The following SLX4 variants were observed in gnomAD, a reference collection of about 807,000 sequenced individuals.
SLX4 encodes the protein SLX4 structure-specific endonuclease subunit.
Under a neutral mutation model 146.2 loss-of-function variants are expected in SLX4, and 112 were observed. The observed-to-expected ratio is 0.77, with a 90% confidence interval of 0.66 to 0.90. SLX4 has a LOEUF of 0.90. SLX4 is among the 40% of genes least tolerant of loss of function. SLX4 has a pLI of 0.00. For missense variants in SLX4, 2,563 were observed against 2,392.7 expected (o/e 1.07, Z -1.49); for synonymous variants, 1,061 against 997.7 (o/e 1.06, Z -1.20).
chr16:3,597,793 A>C lies in SLX4; in HGVS notation c.1366+4T>G. The C allele has an allele frequency of 6.2e-7, 1 of 1,614,152 alleles. No individual in the cohort carries two copies. Among genetic ancestry groups the C allele is most frequent in the Non-Finnish European group, 8.5e-7 (1 of 1,180,036 alleles). On this transcript the variant is annotated splice_donor_region_variant and intron_variant, in intron 6 of 14. Transcript: ENST00000294008. This position sits in a 1 kb window ranked among gnomAD's most constrained non-coding sequence, Gnocchi z 4.4. The stretch of plus-strand genomic sequence containing the variant: ...CCCAGGGTCACTCTTCTGATCACAC[A>C]AACCTGCTTCTGGTCTTATCCTCTC...
intron 1 of SLX4, among the ~76,000 whole-genome samples, chr16:3,610,096 G>C (rs1417808149): frequency 6.6e-6 from 1 of 152,194 alleles, no homozygotes; most frequent in Non-Finnish European, 1.5e-5. Flanking sequence ...GCTGGGCCTC[G>C]TGAGCATGGT....
In SLX4 at chr16:3,596,160, C is replaced by A. The variant is rs933524149; in HGVS notation, c.1917G>T (p.Gly639=). 4.5e-6 allele frequency: 7 copies of A among 1,550,898 alleles called. No homozygotes were observed. The African/African-American group carries it at 8.2e-5, about 18-fold the overall frequency. Residue 639 remains glycine (G), a synonymous_variant, in exon 8 of 15, where the codon GGG becomes GGT. Coordinates refer to ENST00000294008, the MANE Select transcript of SLX4 (RefSeq NM_032444.4). ...TCCCACCCAGCATCTCACCTGCAGT[C>A]CCTTCCGAGCCAGCCAGGCCCCCAC... ...PGSGGLAGSE[G]TAGLDVVPGG...
At chr16:3,595,777 G>A (rs1274016414) in intron 8 of SLX4, 84 bp from the exon 9 acceptor site, 1 of 1,506,386 alleles carries the variant, frequency 6.6e-7, no homozygotes, top group South Asian at 1.2e-5. Context: ...CACAGGCTGA[G>A]CCAGCCCCTG....
intron 14 of SLX4, 107 bp from the exon 15 acceptor site, chr16:3,582,800 G>T: frequency 9.2e-7 from 1 of 1,090,376 alleles, no homozygotes; most frequent in Non-Finnish European, 1.4e-6. Context: ...ATGGAGCCTG[G>T]CCTGTGGCAC....
chr16:3,583,947 C>G (rs1596516122), intron 13 of SLX4, among the ~76,000 whole-genome samples: 4 of 151,960 alleles, frequency 2.6e-5, no homozygotes, highest in Admixed American at 2.6e-4. Flanking sequence ...TACAGTGAGC[C>G]AAGATCACAT....
At position 3,605,364 on chromosome 16, in the gene SLX4, C is replaced by T. The variant is rs971638408; in HGVS notation, c.760+1110G>A. Among the ~76,000 whole-genome samples the T allele has an allele frequency of 3.3e-5, 5 of 151,772 alleles. No individual in the cohort carries two copies. In the South Asian group the frequency reaches 1.0e-3, roughly 32 times the overall value. On this transcript the variant is annotated intron_variant, in intron 3 of 14. Coordinates refer to ENST00000294008, the MANE Select transcript of SLX4 (RefSeq NM_032444.4). ...TCGGCCTCCCAAAGTGCTGGCATTA[C>T]AGGCGTGAGCCACCACGCCTGGCCC...
intron 5 of SLX4, 36 bp downstream of exon 5, chr16:3,600,943 T>G (rs1468955095): frequency 6.2e-7 from 1 of 1,609,144 alleles, no homozygotes; most frequent in Non-Finnish European, 8.5e-7. Context: ...CACACAGCAT[T>G]ATTTGGCTTG....
chr16:3,602,505 G>A (rs954855460), intron 3 of SLX4, among the ~76,000 whole-genome samples, 198 bp from the exon 4 acceptor site: 9 of 152,200 alleles, frequency 5.9e-5, no homozygotes, highest in African/African-American at 2.2e-4. Context: ...GGGAACAGCC[G>A]TCTCCAACTT....
rs775548839 is a variant in SLX4 at position 3,589,716 on chromosome 16, ACTT to A, written c.3919_3921del (p.Lys1307del). 38 of 1,613,612 alleles carry A rather than the reference ACTT, an allele frequency of 2.4e-5. No individual in the cohort carries two copies. Among genetic ancestry groups the A allele is most frequent in the Non-Finnish European group, 3.1e-5 (37 of 1,179,976 alleles). On this transcript the variant is annotated inframe_deletion, in exon 12 of 15. Coordinates refer to ENST00000294008, the MANE Select transcript of SLX4 (RefSeq NM_032444.4). This position sits in a 1 kb window ranked among gnomAD's most constrained non-coding sequence, Gnocchi z 6.2. Reference sequence around the variant, plus strand: ...GGTGTCTGGGGCCTGATGACAGAAAACTTCTGTGCGACTTCGTTCCCTTCCCTG... The same window carrying A: ...GGTGTCTGGGGCCTGATGACAGAAAACTGTGCGACTTCGTTCCCTTCCCTG...
chr16:3,600,589 A>AG (rs2040714585), intron 5 of SLX4: 8 of 196,224 alleles, frequency 4.1e-5, no homozygotes, highest in African/African-American at 9.0e-5. Flanking sequence ...CACTATAAAA[A>AG]GCTTTTTTTT....
At position 3,608,799 on chromosome 16, in the gene SLX4, C is replaced by T. The variant is rs746769352; in HGVS notation, c.166G>A (p.Ala56Thr). Reference sequence around the variant, plus strand: ...TTTTTCACCCTTTGGAAAAAGCTAGCGCAGAGTTCTTTAAAGTCCTCATCA... The same window carrying T: ...TTTTTCACCCTTTGGAAAAAGCTAGTGCAGAGTTCTTTAAAGTCCTCATCA... ...ESDEDFKELC[A>T]SFFQRVKKHG... The change falls in exon 2 of 15, where the codon GCT (alanine) becomes ACT (threonine). Residue 56 changes from alanine to threonine, a missense_variant. Ala to Thr is a moderately conservative substitution (Grantham distance 58, BLOSUM62 0). Transcript: ENST00000294008. 10 of 1,614,102 alleles carry T rather than the reference C, an allele frequency of 6.2e-6. No homozygotes were observed. Among genetic ancestry groups the T allele is most frequent in the East Asian group, 4.5e-5 (2 of 44,880 alleles).
At position 3,601,202 on chromosome 16, in the gene SLX4, A is replaced by G. The variant is rs751365058; in HGVS notation, c.951-11T>C. 42 of 1,613,816 alleles carry G rather than the reference A, an allele frequency of 2.6e-5. No individual in the cohort carries two copies. Among genetic ancestry groups the G allele is most frequent in the Non-Finnish European group, 3.5e-5 (41 of 1,179,872 alleles). On this transcript the variant is annotated splice_polypyrimidine_tract_variant and intron_variant, in intron 4 of 14. Transcript: ENST00000294008. ...GCTTCATCCAAGCACCTGAAGGAAAACAGTCAATACAGGAGAACCACCCTC... is the reference window on the plus strand; with the variant it reads ...GCTTCATCCAAGCACCTGAAGGAAAGCAGTCAATACAGGAGAACCACCCTC...
At position 3,603,049 on chromosome 16, in the gene SLX4, T is replaced by TTTTGTTTG. The variant is rs377675862; in HGVS notation, c.761-750_761-743dup. ...AGCACACCTTCATTTTGGTGCCCTGTTTTGTTTGTTTGTTTGTTTTTGAGA... is the reference window on the plus strand; with the variant it reads ...AGCACACCTTCATTTTGGTGCCCTGTTTTGTTTGTTTGTTTGTTTGTTTGTTTTTGAGA... On this transcript the variant is annotated intron_variant, in intron 3 of 14. Coordinates refer to ENST00000294008, the MANE Select transcript of SLX4 (RefSeq NM_032444.4). Among the ~76,000 whole-genome samples the TTTTGTTTG allele has an allele frequency of 3.8e-3, 582 of 152,210 alleles. 6 individuals carry two copies. Among genetic ancestry groups the TTTTGTTTG allele is most frequent in the African/African-American group, 0.013 (526 of 41,524 alleles).
intron 12 of SLX4, among the ~76,000 whole-genome samples, chr16:3,585,810 A>G (rs577261392): frequency 1.4e-4 from 22 of 151,728 alleles, no homozygotes; most frequent in Non-Finnish European, 2.5e-4. Flanking sequence ...CAAAAAAAAA[A>G]AAAAAAAAAT....
chr16:3,608,257 C>T (rs1468796996), intron 2 of SLX4, among the ~76,000 whole-genome samples, 173 bp downstream of exon 2: 2 of 152,228 alleles, frequency 1.3e-5, no homozygotes, highest in Non-Finnish European at 1.5e-5. Flanking sequence ...TAAAGTTTTA[C>T]TGGCATATGG....
At chr16:3,586,065 A>C (rs2040504919) in intron 12 of SLX4, among the ~76,000 whole-genome samples, 1 of 152,168 alleles carries the variant, frequency 6.6e-6, no homozygotes, top group Non-Finnish European at 1.5e-5. Context: ...AAAATGGTGC[A>C]GTCACTTTGG....
At position 3,583,142 on chromosome 16, in the gene SLX4, A is replaced by G; in HGVS notation, c.5108T>C (p.Val1703Ala). 6.2e-7 allele frequency: 1 copy of G among 1,614,262 alleles called. No homozygotes were observed. The highest frequency in any genetic ancestry group is 8.5e-7 in the Non-Finnish European group (1 of 1,180,044). Residue 1703 changes from valine (V) to alanine (A), a missense_variant, in exon 14 of 15, where the codon GTG becomes GCG. Transcript: ENST00000294008. ...GTCACTGCCATCCACAGAGGTGGCC[A>G]CGGATTCTTGAGAGGCTGGGATCTG... The part of the protein sequence containing the change: ...DAQIPASQES[V>A]ATSVDGSDSS...
chr16:3,592,296 T>G (rs1336792281), intron 11 of SLX4, among the ~76,000 whole-genome samples: 4 of 152,264 alleles, frequency 2.6e-5, no homozygotes, highest in African/African-American at 9.6e-5. Flanking sequence ...GCATCTGGGA[T>G]GCAGCCTAAG....
In SLX4 at chr16:3,591,292, G is replaced by A. The variant is rs775150046; in HGVS notation, c.2346C>T (p.Leu782=). 3.7e-5 allele frequency: 59 copies of A among 1,611,550 alleles called. No individual in the cohort carries two copies. Among genetic ancestry groups the A allele is most frequent in the Admixed American group, 1.3e-4 (8 of 60,026 alleles). Reference sequence around the variant, plus strand: ...TAGGCACCTGTTCGCACAGGTGAACGAGCTCACTCACGCCAAACCTGCAAC... The same window carrying A: ...TAGGCACCTGTTCGCACAGGTGAACAAGCTCACTCACGCCAAACCTGCAAC... ...SLAHRFGVSE[L]VHLCEQVPIA... The change falls in exon 12 of 15, where the codon CTC becomes CTT. Residue 782 remains leucine (L), a synonymous_variant. Transcript: ENST00000294008.
Sources: allele counts gnomAD v4.1 joint callset (sites outside exome capture counted in the v4.1 genomes callset), GRCh38; gene constraint gnomAD v4.1.1; non-coding constraint Gnocchi (gnomAD v3.1); transcripts MANE v1.5; gene names NCBI Gene and HGNC (gene_info 2026-07-23, HGNC 2026-07-21).